Variants in WRN observed in about 807,000 individuals in gnomAD.
The protein encoded by WRN is WRN RecQ like helicase.
WRN carries 149 observed loss-of-function variants against 180.7 expected under a neutral mutation model. That is an observed-to-expected ratio of 0.82 (90% CI 0.72 to 0.94). WRN has a LOEUF of 0.94. WRN is among the 40% of genes least tolerant of loss of function. The pLI is 0.00. For missense variants in WRN, 1,661 were observed against 1,700.1 expected (o/e 0.98, Z 0.40); for synonymous variants, 548 against 568.9 (o/e 0.96, Z 0.52).
At position 31,122,860 on chromosome 8, in the gene WRN, GTTTTTTTTTTT is replaced by G. The variant is rs71206298; in HGVS notation, c.2631-1647_2631-1637del. On this transcript the variant is annotated intron_variant, in intron 21 of 34. Coordinates refer to ENST00000298139, the MANE Select transcript of WRN (RefSeq NM_000553.6). ...GAAGAGTGTGGGCATTTCTTTTCTT[GTTTTTTTTTTT>G]TTTTTTTTTTTTTTCTATAGGAGGG... 4.2e-3 allele frequency among the ~76,000 whole-genome samples: 292 copies of G among 69,490 alleles called. 1 individual carries two copies. Among genetic ancestry groups the G allele is most frequent in the African/African-American group, 0.014 (261 of 19,142 alleles). The allele number at this position is 69,490 out of a possible 152,430, so 45.6% of individuals were successfully genotyped here.
At chr8:31,085,027 T>C in intron 10 of WRN, 139 bp from the exon 11 acceptor site, 1 of 519,738 alleles carries the variant, frequency 1.9e-6, no homozygotes, top group East Asian at 3.6e-5. Flanking sequence ...ATCATATAAA[T>C]ATGTAAATAT....
intron 16 of WRN, among the ~76,000 whole-genome samples, chr8:31,093,354 G>A (rs1020520063): frequency 1.2e-4 from 18 of 152,122 alleles, no homozygotes; most frequent in African/African-American, 4.3e-4. Context: ...TCCTGCCTTG[G>A]CTTTCCAAAG....
chr8:31,100,897 G>A lies in WRN; in HGVS notation c.2030G>A (p.Gly677Glu), dbSNP rs543878821. 4 of 1,613,986 alleles carry A rather than the reference G, an allele frequency of 2.5e-6. No individual in the cohort carries two copies. The South Asian group carries it at 4.4e-5, about 18-fold the overall frequency. The stretch of plus-strand genomic sequence containing the variant: ...GAGGCTCACTGTATTTCTGAGTGGG[G>A]GCATGATTTTAGGGATTCATTCAGG... ...VDEAHCISEW[G>E]HDFRDSFRKL... Residue 677 changes from glycine to glutamate, a missense_variant, in exon 18 of 35, where the codon GGG becomes GAG. Coordinates refer to ENST00000298139, the MANE Select transcript of WRN (RefSeq NM_000553.6).
chr8:31,165,668 T>C (rs1224942001), intron 33 of WRN, among the ~76,000 whole-genome samples: 1 of 152,172 alleles, frequency 6.6e-6, no homozygotes, highest in Non-Finnish European at 1.5e-5. Flanking sequence ...ATACTTGATC[T>C]GTGTTTAGCT....
At chr8:31,155,151 G>T (rs1005897654) in intron 32 of WRN, among the ~76,000 whole-genome samples, 5 of 152,204 alleles carry the variant, frequency 3.3e-5, no homozygotes, top group Non-Finnish European at 2.9e-5. Context: ...ACGTAAACGT[G>T]TGTGCATATG....
In WRN at chr8:31,096,777, C is replaced by T. The variant is rs1585449207; in HGVS notation, c.1908C>T (p.Tyr636=). The T allele has an allele frequency of 1.9e-6, 3 of 1,594,786 alleles. No individual in the cohort carries two copies. Among genetic ancestry groups the T allele is most frequent in the Non-Finnish European group, 2.6e-6 (3 of 1,169,648 alleles). ...NVLTDIKLGK[Y]RIVYVTPEYC... ...TTGTTTGTTTTTACAGAGGTAAATA[C>T]CGGATTGTATACGTAACTCCAGAAT... Residue 636 remains tyrosine (Y), a synonymous_variant, in exon 17 of 35, where the codon TAC becomes TAT. Transcript: ENST00000298139.
chr8:31,080,072 G>C (rs1445719842), intron 8 of WRN, among the ~76,000 whole-genome samples: 3 of 152,100 alleles, frequency 2.0e-5, no homozygotes, highest in Non-Finnish European at 1.5e-5. Flanking sequence ...GTAGAGACAG[G>C]GTTTTGCCAT....
At chr8:31,145,659 T>G (rs1802830583) in intron 28 of WRN, among the ~76,000 whole-genome samples, 1 of 152,158 alleles carries the variant, frequency 6.6e-6, no homozygotes, top group Non-Finnish European at 1.5e-5. Context: ...AAATACAGTT[T>G]GTAATGCTTT....
In WRN at chr8:31,064,254, A is replaced by G. The variant is rs3087407; in HGVS notation, c.210-35A>G. The G allele has an allele frequency of 5.6e-5, 91 of 1,612,418 alleles. No homozygotes were observed. The East Asian group carries it at 1.5e-3, about 27-fold the overall frequency. On this transcript the variant is annotated intron_variant, in intron 3 of 34. Coordinates refer to ENST00000298139, the MANE Select transcript of WRN (RefSeq NM_000553.6). The stretch of plus-strand genomic sequence containing the variant: ...AGTTATGCAGAAGTTTAAAATTTTA[A>G]CATAAATTAATTTACACTATTTTTC...
intron 20 of WRN, 82 bp downstream of exon 20, chr8:31,116,610 T>C (rs759711067): frequency 2.1e-5 from 33 of 1,565,540 alleles, no homozygotes; most frequent in Non-Finnish European, 2.7e-5. Flanking sequence ...CAGATCTTTA[T>C]TGAATACTTT....
At chr8:31,046,950 A>T (rs1311480974) in intron 1 of WRN, among the ~76,000 whole-genome samples, 1 of 152,172 alleles carries the variant, frequency 6.6e-6, no homozygotes. Flanking sequence ...ATCCTGTCCG[A>T]AAAGACTGTA....
chr8:31,126,483 A>G (rs1801937251), intron 23 of WRN, among the ~76,000 whole-genome samples: 1 of 152,344 alleles, frequency 6.6e-6, no homozygotes, highest in South Asian at 2.1e-4. Flanking sequence ...GATGCAGCTA[A>G]TGCAATACTG....
At chr8:31,151,648 T>C (rs886624487) in intron 31 of WRN, among the ~76,000 whole-genome samples, 28 of 152,172 alleles carry the variant, frequency 1.8e-4, no homozygotes, top group Admixed American at 3.9e-4. Flanking sequence ...TTAGTGATAT[T>C]ATTTAATAAT....
In WRN at chr8:31,175,248, A is replaced by T. The variant is rs1804243477; in HGVS notation, c.*2146A>T. 6.6e-6 allele frequency among the ~76,000 whole-genome samples: 1 copy of T among 152,126 alleles called. No individual in the cohort carries two copies. Among genetic ancestry groups the T allele is most frequent in the Non-Finnish European group, 1.5e-5 (1 of 68,032 alleles). ...TCAGGAGATCGAGACCACCCTGGCC[A>T]ACATGGTGAAACCCCGTCTCTACTA... On this transcript the variant is annotated 3_prime_UTR_variant, in exon 35 of 35. Coordinates refer to ENST00000298139, the MANE Select transcript of WRN (RefSeq NM_000553.6).
intron 24 of WRN, among the ~76,000 whole-genome samples, chr8:31,134,291 A>G (rs1802310664): frequency 6.6e-6 from 1 of 152,212 alleles, no homozygotes; most frequent in African/African-American, 2.4e-5. Context: ...TGAGCTGTAA[A>G]ATAAACATTT....
In WRN at chr8:31,116,519, T is replaced by A. The variant is rs182891206; in HGVS notation, c.2439T>A (p.Asp813Glu). 1.2e-6 allele frequency: 2 copies of A among 1,613,884 alleles called. No homozygotes were observed. The highest frequency in any genetic ancestry group is 1.7e-6 in the Non-Finnish European group (2 of 1,179,868). Residue 813 changes from aspartate (D) to glutamate (E), a missense_variant, in exon 20 of 35, where the codon GAT becomes GAA. Asp to Glu is a conservative substitution (Grantham distance 45). Around this residue, in one of 3 missense-constraint regions of WRN, gnomAD observed 1,141 missense variants for 1,149.4 expected, o/e 0.99. Transcript: ENST00000298139. ...RKDIHHRFVR[D>E]EIQCVIATIA... is the part of the protein sequence containing the mutation. Reference sequence around the variant, plus strand: ...ACATTCATCATAGGTTTGTAAGAGATGAAATTCAGGTATGAGGATCAATCA... The same window carrying A: ...ACATTCATCATAGGTTTGTAAGAGAAGAAATTCAGGTATGAGGATCAATCA...
chr8:31,068,866 C>T (rs183224872), intron 7 of WRN, among the ~76,000 whole-genome samples: 1 of 152,272 alleles, frequency 6.6e-6, no homozygotes, highest in African/African-American at 2.4e-5. Context: ...CATCCAACCT[C>T]AGTGCTGTTT....
Position 31,145,397 on chromosome 8 carries a change from A to T in WRN, c.3384-1656A>T, listed in dbSNP as rs73583774. 5.9e-3 allele frequency among the ~76,000 whole-genome samples: 895 copies of T among 152,330 alleles called. 9 individuals carry two copies. The highest frequency in any genetic ancestry group is 0.021 in the African/African-American group (870 of 41,578). On this transcript the variant is annotated intron_variant, in intron 28 of 34. Transcript: ENST00000298139. ...TATCTACTCTGCCTTTGCTACATAC[A>T]TGTAACAACAAAGTCTTGATGATAC...
intron 1 of WRN, among the ~76,000 whole-genome samples, chr8:31,040,395 G>T (rs1236262935): frequency 6.6e-6 from 1 of 151,974 alleles, no homozygotes; most frequent in Non-Finnish European, 1.5e-5. Flanking sequence ...TGAGTGTAGA[G>T]GGAGAAGAGT....
Sources: allele counts gnomAD v4.1 joint callset (sites outside exome capture counted in the v4.1 genomes callset), GRCh38; gene constraint gnomAD v4.1.1; regional missense constraint gnomAD v4.1.1; transcripts MANE v1.5; gene names NCBI Gene and HGNC (gene_info 2026-07-23, HGNC 2026-07-21).